The following HCN1 variants were observed in gnomAD, a reference collection of about 807,000 sequenced individuals.
The protein encoded by HCN1 is hyperpolarization activated cyclic nucleotide gated potassium channel 1.
Under a neutral mutation model 78.9 loss-of-function variants are expected in HCN1, and 13 were observed. The ratio of observed to expected loss-of-function variants is 0.16; its 90% CI spans 0.11 to 0.26. HCN1 has a LOEUF of 0.26. Ranked by LOEUF, HCN1 falls within the 10% of genes least tolerant of loss-of-function variation. The pLI, the probability that HCN1 is intolerant of heterozygous loss-of-function variation, is 1.00. For missense variants in HCN1, 810 were observed against 1,154.3 expected (o/e 0.70, Z 4.32); for synonymous variants, 552 against 455.5 (o/e 1.21, Z -2.70).
intron 2 of HCN1, among the ~76,000 whole-genome samples, chr5:45,495,138 A>C (rs539128865): frequency 2.3e-5 from 3 of 131,188 alleles, no homozygotes; most frequent in South Asian, 2.8e-4. Context: ...TCTGTGAAGA[A>C]AGTCATTGGT....
At chr5:45,521,696 G>A (rs191324161) in intron 2 of HCN1, among the ~76,000 whole-genome samples, 221 of 151,976 alleles carry the variant, frequency 1.5e-3, no homozygotes, top group African/African-American at 5.1e-3. Flanking sequence ...CTAGGATTGA[G>A]TACTTCACCA....
intron 2 of HCN1, among the ~76,000 whole-genome samples, chr5:45,598,340 T>C (rs926188492): frequency 6.6e-6 from 1 of 152,068 alleles, no homozygotes; most frequent in Non-Finnish European, 1.5e-5. Context: ...TAATAAATGG[T>C]GCTGGGAAAA....
intron 2 of HCN1, among the ~76,000 whole-genome samples, chr5:45,542,129 G>A (rs926081454): frequency 3.9e-5 from 6 of 151,954 alleles, no homozygotes; most frequent in African/African-American, 1.4e-4. Context: ...AAATAATGTT[G>A]AAAAAATAAC....
At chr5:45,676,966 T>C (rs1046076782) in intron 1 of HCN1, among the ~76,000 whole-genome samples, 3 of 151,844 alleles carry the variant, frequency 2.0e-5, no homozygotes, top group African/African-American at 7.2e-5. Flanking sequence ...CAACTAATAC[T>C]GGTGGGAAAT....
rs1307976544 is a variant in HCN1, at chr5:45,462,159, C to A, written c.850-152G>T. On this transcript the variant is annotated intron_variant, in intron 2 of 7. Transcript: ENST00000303230. ...GCAGAAATAGAAACAGATTACATTT[C>A]TTTATTTTTACAATAAGGTTGACAC... 4.5e-6 allele frequency: 3 copies of A among 670,754 alleles called. No individual in the cohort carries two copies. In the African/African-American group the frequency reaches 5.5e-5, roughly 12 times the overall value. The allele number at this position is 670,754 out of a possible 1,614,324, so 41.6% of individuals were successfully genotyped here. A position where few individuals can be genotyped will look rare whatever the true frequency, so the allele number is the denominator to read the frequency against.
intron 2 of HCN1, among the ~76,000 whole-genome samples, chr5:45,577,640 A>C (rs956817001): frequency 2.6e-5 from 4 of 152,152 alleles, no homozygotes; most frequent in Non-Finnish European, 5.9e-5. Flanking sequence ...ATCATTAAAA[A>C]ATCTAGGTAG....
intron 5 of HCN1, among the ~76,000 whole-genome samples, chr5:45,307,066 G>A (rs370220928): frequency 6.6e-6 from 1 of 151,920 alleles, no homozygotes; most frequent in African/African-American, 2.4e-5. Flanking sequence ...CAGTAATGAA[G>A]GTATTTCAAA....
chr5:45,424,250 A>C (rs541090612), intron 3 of HCN1, among the ~76,000 whole-genome samples: 6 of 152,136 alleles, frequency 3.9e-5, no homozygotes, highest in African/African-American at 1.4e-4. Context: ...CAGAGATCGC[A>C]CCACTGCATT....
chr5:45,321,173 C>T (rs1258120175), intron 5 of HCN1, among the ~76,000 whole-genome samples: 3 of 151,686 alleles, frequency 2.0e-5, no homozygotes, highest in African/African-American at 7.3e-5. Flanking sequence ...CCTACACAGC[C>T]CCCAAAATAA....
chr5:45,296,161 A>G (rs1235884267), intron 6 of HCN1, among the ~76,000 whole-genome samples: 1 of 152,016 alleles, frequency 6.6e-6, no homozygotes, highest in Non-Finnish European at 1.5e-5. Context: ...TACTCAAGTG[A>G]GTTGGGTTAA....
intron 6 of HCN1, among the ~76,000 whole-genome samples, chr5:45,288,193 C>G (rs1420068748): frequency 1.3e-5 from 2 of 151,930 alleles, no homozygotes; most frequent in Non-Finnish European, 2.9e-5. Flanking sequence ...ATTTCACTAT[C>G]CACGAAAAAA....
intron 2 of HCN1, among the ~76,000 whole-genome samples, chr5:45,598,426 T>G (rs1318253945): frequency 2.6e-5 from 4 of 152,130 alleles, no homozygotes; most frequent in Non-Finnish European, 5.9e-5. Context: ...CAAGATGGAT[T>G]AAAGACTTAA....
chr5:45,340,344 C>T (rs1187821153), intron 5 of HCN1, among the ~76,000 whole-genome samples: 1 of 152,184 alleles, frequency 6.6e-6, no homozygotes, highest in African/African-American at 2.4e-5. Flanking sequence ...TACTAGGGTT[C>T]ATTTTTATTC....
chr5:45,279,625 A>G (rs1355542571), intron 6 of HCN1, among the ~76,000 whole-genome samples: 2 of 152,138 alleles, frequency 1.3e-5, no homozygotes, highest in South Asian at 2.1e-4. Flanking sequence ...GTAACAAAAT[A>G]CCATAATAAA....
chr5:45,411,834 A>G (rs921728284), intron 3 of HCN1, among the ~76,000 whole-genome samples: 4 of 152,064 alleles, frequency 2.6e-5, no homozygotes, highest in Admixed American at 2.6e-4. Context: ...AACAGTTCCC[A>G]CAATTCTGAG....
chr5:45,461,571 G>C (rs1261687190), intron 3 of HCN1, among the ~76,000 whole-genome samples: 1 of 152,028 alleles, frequency 6.6e-6, no homozygotes, highest in African/African-American at 2.4e-5. Flanking sequence ...TTTTATGATT[G>C]TATCTTTGAA....
At chr5:45,266,859 C>T (rs1333144362) in intron 7 of HCN1, among the ~76,000 whole-genome samples, 1 of 152,050 alleles carries the variant, frequency 6.6e-6, no homozygotes, top group African/African-American at 2.4e-5. Flanking sequence ...CAGGTGCACG[C>T]CACCACACCC....
At chr5:45,642,951 C>A (rs988492889) in intron 2 of HCN1, 1 of 152,078 alleles carries the variant, frequency 6.6e-6, no homozygotes, top group African/African-American at 2.4e-5. Context: ...AGAAAACATT[C>A]TTCACCTAAA....
intron 4 of HCN1, among the ~76,000 whole-genome samples, chr5:45,364,566 T>C (rs990492550): frequency 3.4e-4 from 52 of 152,104 alleles, no homozygotes; most frequent in Non-Finnish European, 5.3e-4. Flanking sequence ...TCCTTTTTCC[T>C]GCATGTCTTC....
Sources: gnomAD v4.1 joint callset for allele counts (sites outside exome capture counted in the v4.1 genomes callset) on GRCh38, gnomAD v4.1.1 for gene constraint, MANE v1.5 for transcripts, NCBI Gene and HGNC (gene_info 2026-07-23, HGNC 2026-07-21) for gene names.